RANBP2: variants seen among roughly 807,000 people sequenced by gnomAD.
The protein encoded by RANBP2 is RAN binding protein 2, also known as E3 SUMO-protein ligase RanBP2.
In RANBP2, 57 loss-of-function variants were observed where a neutral mutation model predicts 303.6. The observed-to-expected ratio is 0.19, with a 90% CI of 0.15 to 0.23. The LOEUF (loss-of-function observed/expected upper bound fraction) is 0.23, where lower values mean the gene tolerates loss of function less well. RANBP2 is among the 10% of genes least tolerant of loss of function. The pLI, the probability that RANBP2 is intolerant of heterozygous loss-of-function variation, is 1.00. For missense variants in RANBP2, 3,138 were observed against 3,780.8 expected, an observed-to-expected ratio of 0.83 and a Z score of 4.46; for synonymous variants, 1,167 against 1,301.5, an observed-to-expected ratio of 0.90 and a Z score of 2.23.
chr2:109,254,442 G>A, the RANBP2 span, among the ~76,000 whole-genome samples: 4 of 152,148 alleles, frequency 2.6e-5, no homozygotes, highest in African/African-American at 9.7e-5. Context: ...GATTAATGCT[G>A]TAAAGTACTT....
intron 6 of RANBP2, among the ~76,000 whole-genome samples, chr2:108,737,589 G>A (rs931321615): frequency 5.0e-5 from 7 of 141,202 alleles, no homozygotes; most frequent in Admixed American, 3.0e-4. Flanking sequence ...TCTTGCTCTC[G>A]CCAGGCTGGC....
the RANBP2 span, among the ~76,000 whole-genome samples, chr2:108,857,741 G>A: frequency 1.5e-3 from 229 of 152,282 alleles, no homozygotes; most frequent in African/African-American, 5.4e-3. Context: ...AAAGTGAAAA[G>A]TTAGTGAACT....
intron 23 of RANBP2, 42 bp from the exon 24 acceptor site, chr2:108,775,690 A>T (rs749712030): frequency 3.8e-6 from 6 of 1,592,890 alleles, no homozygotes; most frequent in Non-Finnish European, 5.2e-6. Context: ...TTTGTAAATT[A>T]GCATTTAAGT....
At position 108,740,669 on chromosome 2, in the gene RANBP2, C is replaced by T; in HGVS notation, c.963C>T (p.Leu321=). ...ALSELAALCY[L]IAFQVPRPKI... ...CTGAGCTGGCTGCATTGTGCTATCT[C>T]ATAGCATTTCAGGTAAGTCTTCCAC... Residue 321 remains leucine, a synonymous_variant, in exon 7 of 29, where the codon CTC becomes CTT. Coordinates refer to ENST00000283195, the MANE Select transcript of RANBP2 (RefSeq NM_006267.5). 6.3e-7 allele frequency: 1 copy of T among 1,597,498 alleles called. No homozygotes were observed. The highest frequency in any genetic ancestry group is 8.5e-7 in the Non-Finnish European group (1 of 1,179,760).
At chr2:109,679,548 G>A in the RANBP2 span, among the ~76,000 whole-genome samples, 2 of 152,200 alleles carry the variant, frequency 1.3e-5, no homozygotes, top group African/African-American at 4.8e-5. Flanking sequence ...ACCGGCTCCA[G>A]GATAGATGAG....
intron 25 of RANBP2, among the ~76,000 whole-genome samples, chr2:108,777,931 T>C (rs750232466): frequency 9.2e-5 from 14 of 152,166 alleles, no homozygotes; most frequent in Non-Finnish European, 2.1e-4. Flanking sequence ...TTCTGTTCTT[T>C]CCTCCTCTAT....
the RANBP2 span, among the ~76,000 whole-genome samples, chr2:109,067,722 G>T: frequency 7.2e-5 from 11 of 152,166 alleles, no homozygotes; most frequent in Non-Finnish European, 1.6e-4. Context: ...TCCTGGCCGC[G>T]CAATCCTTCA....
the RANBP2 span, among the ~76,000 whole-genome samples, chr2:109,760,635 G>C: frequency 6.9e-6 from 1 of 143,888 alleles, no homozygotes; most frequent in Non-Finnish European, 1.5e-5. Context: ...CACCTTGAGC[G>C]GCGCCTTTCG....
At chr2:108,922,597 G>A in the RANBP2 span, among the ~76,000 whole-genome samples, 1 of 152,150 alleles carries the variant, frequency 6.6e-6, no homozygotes, top group East Asian at 1.9e-4. Flanking sequence ...ATTATTATGA[G>A]ACATGGGGGT....
the RANBP2 span, among the ~76,000 whole-genome samples, chr2:109,160,579 A>G: frequency 6.6e-6 from 1 of 152,148 alleles, no homozygotes; most frequent in Non-Finnish European, 1.5e-5. Flanking sequence ...CAGTAACTCC[A>G]AGAGGTAAGC....
chr2:108,907,596 C>A, the RANBP2 span, among the ~76,000 whole-genome samples: 2 of 151,588 alleles, frequency 1.3e-5, no homozygotes, highest in Non-Finnish European at 2.9e-5. Context: ...TGTAGTGAGC[C>A]GAGATCGCAC....
At chr2:109,675,077 T>C in the RANBP2 span, among the ~76,000 whole-genome samples, 1 of 152,092 alleles carries the variant, frequency 6.6e-6, no homozygotes, top group Non-Finnish European at 1.5e-5. Flanking sequence ...TCAAGGATCC[T>C]CCCACCTCAG....
the RANBP2 span, among the ~76,000 whole-genome samples, chr2:109,145,233 G>A: frequency 6.6e-6 from 1 of 152,104 alleles, no homozygotes; most frequent in South Asian, 2.1e-4. Flanking sequence ...TCCTGACCAC[G>A]GTCTCCCCAG....
chr2:109,536,230 A>G, the RANBP2 span, among the ~76,000 whole-genome samples: 1 of 152,302 alleles, frequency 6.6e-6, no homozygotes, highest in Non-Finnish European at 1.5e-5. Flanking sequence ...GTGCCTGGAA[A>G]AGCTGCAGAC....
chr2:109,432,375 C>T, the RANBP2 span: 1 of 1,207,262 alleles, frequency 8.3e-7, no homozygotes, highest in African/African-American at 1.5e-5. Flanking sequence ...CTGCAGAGCC[C>T]CCATAGACTC....
the RANBP2 span, among the ~76,000 whole-genome samples, chr2:108,850,897 C>G: frequency 3.3e-5 from 5 of 152,124 alleles, no homozygotes. Flanking sequence ...TACCAAGCAG[C>G]AGACACAAGC....
chr2:109,623,443 G>T, the RANBP2 span, among the ~76,000 whole-genome samples: 2 of 152,180 alleles, frequency 1.3e-5, no homozygotes, highest in Non-Finnish European at 2.9e-5. Context: ...TTAACAGAAT[G>T]AACAGCTCTT....
chr2:108,766,164 G>C lies in RANBP2; in HGVS notation c.5625G>C (p.Gln1875His). 6.2e-7 allele frequency: 1 copy of C among 1,612,636 alleles called. No individual in the cohort carries two copies. Among genetic ancestry groups the C allele is most frequent in the South Asian group, 1.1e-5 (1 of 91,008 alleles). The stretch of plus-strand genomic sequence containing the variant: ...AAAATTCACCTTCATTTATGTTTCA[G>C]GGTTCTTCTAATACAGAATTTAAGT... ...DQENSPSFMF[Q>H]GSSNTEFKST... The change falls in exon 20 of 29, where the codon CAG becomes CAC. Residue 1875 changes from glutamine to histidine, a missense_variant. Transcript: ENST00000283195.
chr2:108,805,828 T>G, the RANBP2 span, among the ~76,000 whole-genome samples: 1 of 152,334 alleles, frequency 6.6e-6, no homozygotes, highest in African/African-American at 2.4e-5. Context: ...TCTGCCAGTT[T>G]TTGGCAGAAA....
Sources: allele counts gnomAD v4.1 joint callset (sites outside exome capture counted in the v4.1 genomes callset), GRCh38; gene constraint gnomAD v4.1.1; transcripts MANE v1.5; gene names NCBI Gene and HGNC (gene_info 2026-07-23, HGNC 2026-07-21).